PKD2L2: variants seen among roughly 807,000 people sequenced by gnomAD.
PKD2L2 encodes the protein polycystin-2-like protein 2.
Under a neutral mutation model 83.9 loss-of-function variants are expected in PKD2L2, and 67 were observed. That is an observed-to-expected ratio of 0.80 (90% CI 0.66 to 0.98). The LOEUF is 0.98. Ranked by LOEUF, PKD2L2 falls within the 50% of genes least tolerant of loss-of-function variation. The probability of loss-of-function intolerance (pLI) is 0.00; values close to 1 mark genes in which losing one functional copy is unlikely to be tolerated. For synonymous variants in PKD2L2, 223 were observed against 237.8 expected (o/e 0.94, Z 0.57); for missense variants, 632 against 717.2 (o/e 0.88, Z 1.36).
At chr5:137,925,852 C>T (rs2150050918) in intron 11 of PKD2L2, 23 bp from the exon 12 acceptor site, 1 of 1,542,810 alleles carries the variant, frequency 6.5e-7, no homozygotes, top group Non-Finnish European at 8.9e-7. Flanking sequence ...TTGCCTCTGA[C>T]TTTTATTTTA....
At chr5:137,935,292 G>C (rs912484834) in intron 12 of PKD2L2, among the ~76,000 whole-genome samples, 5 of 152,110 alleles carry the variant, frequency 3.3e-5, no homozygotes, top group African/African-American at 1.2e-4. Context: ...TGGTACAAAG[G>C]GCTTGTTTTT....
chr5:137,896,903 C>T (rs188475572), intron 4 of PKD2L2, among the ~76,000 whole-genome samples: 76 of 148,868 alleles, frequency 5.1e-4, no homozygotes, highest in Non-Finnish European at 8.0e-4. Context: ...CTGTCTTGAA[C>T]TCCCAGGATT....
chr5:137,930,314 T>A (rs976660102), intron 12 of PKD2L2, among the ~76,000 whole-genome samples: 1 of 151,836 alleles, frequency 6.6e-6, no homozygotes. Flanking sequence ...AGTAACAAAA[T>A]CAGAAAATGA....
rs1382848180 is a variant in PKD2L2, at chr5:137,936,446, A to G, written c.*17+19A>G. 4 of 1,521,982 alleles carry G rather than the reference A, an allele frequency of 2.6e-6. No individual in the cohort carries two copies. The Admixed American group carries it at 6.1e-5, about 23-fold the overall frequency. The allele number at this position is 1,521,982 out of a possible 1,614,324, so 94.3% of individuals were successfully genotyped here. A position where few individuals can be genotyped will look rare whatever the true frequency, so the allele number is the denominator to read the frequency against. On this transcript the variant is annotated intron_variant, in intron 14 of 14. Coordinates refer to ENST00000508883, the MANE Select transcript of PKD2L2 (RefSeq NM_001300921.2). ...AGTGGAGGTAAGAATCTGTGATGCA[A>G]TCATTGAGCATTTCTTTTTTTTTTT...
chr5:137,899,306 A>T (rs1756754196), intron 4 of PKD2L2, among the ~76,000 whole-genome samples: 1 of 152,068 alleles, frequency 6.6e-6, no homozygotes, highest in Admixed American at 6.5e-5. Flanking sequence ...TTGTAGAGAT[A>T]GGGTTTCACC....
At chr5:137,905,860 T>C (rs1420445160) in intron 5 of PKD2L2, among the ~76,000 whole-genome samples, 1 of 152,174 alleles carries the variant, frequency 6.6e-6, no homozygotes, top group African/African-American at 2.4e-5. Context: ...AGCATTTTCT[T>C]GAACATATCA....
At position 137,906,391 on chromosome 5, in the gene PKD2L2, A is replaced by G. The variant is rs747706031; in HGVS notation, c.932A>G (p.Tyr311Cys). ...VKKIKEFKSA[Y>C]FKSIWNWLEL... ...AAAATAAAAGAATTTAAGTCTGCCTATTTCAAAAGTATTTGGAACTGGCTA... is the reference window on the plus strand; with the variant it reads ...AAAATAAAAGAATTTAAGTCTGCCTGTTTCAAAAGTATTTGGAACTGGCTA... The change falls in exon 6 of 15, where the codon TAT becomes TGT. Residue 311 changes from tyrosine (Y) to cysteine (C), a missense_variant. Around this residue, in one of 3 missense-constraint regions of PKD2L2, gnomAD observed 399 missense variants for 416.9 expected, o/e 0.96. Coordinates refer to ENST00000508883, the MANE Select transcript of PKD2L2 (RefSeq NM_001300921.2). 10 of 1,609,984 alleles carry G rather than the reference A, an allele frequency of 6.2e-6. No homozygotes were observed. In the Admixed American group the frequency reaches 1.7e-4, roughly 27 times the overall value.
rs1757550484 is a variant in PKD2L2, at chr5:137,908,576, G to C, written c.1147-189G>C. On this transcript the variant is annotated intron_variant, in intron 7 of 14. Coordinates refer to ENST00000508883, the MANE Select transcript of PKD2L2 (RefSeq NM_001300921.2). ...ACAGCACTCCAGTCTGGGTGACAGA[G>C]TGAGACTCCATCTCAAAAAAAAAAA... is the stretch of plus-strand genomic sequence containing the variant. Among the ~76,000 whole-genome samples the C allele has an allele frequency of 2.0e-5, 3 of 151,812 alleles. No homozygotes were observed. In the South Asian group the frequency reaches 6.2e-4, roughly 32 times the overall value.
intron 8 of PKD2L2, among the ~76,000 whole-genome samples, chr5:137,911,152 A>T (rs1224754507): frequency 1.3e-5 from 2 of 152,092 alleles, no homozygotes; most frequent in East Asian, 3.8e-4. Flanking sequence ...CCTGTCAGCC[A>T]CCATTTTACT....
At chr5:137,932,679 A>C (rs954411801) in intron 12 of PKD2L2, among the ~76,000 whole-genome samples, 18 of 152,176 alleles carry the variant, frequency 1.2e-4, no homozygotes, top group African/African-American at 4.3e-4. Context: ...GCTGCTGCTG[A>C]TAAAGGTTAA....
intron 8 of PKD2L2, among the ~76,000 whole-genome samples, chr5:137,914,031 CTTTTTTTTTTTTTTTT>C (rs58118724): frequency 2.8e-4 from 12 of 42,342 alleles, no homozygotes; most frequent in Non-Finnish European, 4.6e-4. Flanking sequence ...CCACACTTGG[CTTTTTTTTTTTTTTTT>C]TTTTTTTTTT....
intron 12 of PKD2L2, among the ~76,000 whole-genome samples, chr5:137,929,878 C>A (rs1474786424): frequency 6.6e-6 from 1 of 151,956 alleles, no homozygotes; most frequent in Non-Finnish European, 1.5e-5. Flanking sequence ...ACCTAAAAGG[C>A]AAACAAAAGA....
chr5:137,898,724 A>AT lies in PKD2L2; in HGVS notation c.525-777dup, dbSNP rs555600685. On this transcript the variant is annotated intron_variant, in intron 4 of 14. Coordinates refer to ENST00000508883, the MANE Select transcript of PKD2L2 (RefSeq NM_001300921.2). Reference sequence around the variant, plus strand: ...ATATGCCACCACAGCTAACAGATGGATTTTTTTTTTTTTTTCTGAGACAGG... The same window carrying AT: ...ATATGCCACCACAGCTAACAGATGGATTTTTTTTTTTTTTTTCTGAGACAGG... Among the ~76,000 whole-genome samples the AT allele has an allele frequency of 4.2e-3, 603 of 142,736 alleles. 1 individual carries two copies. The highest frequency in any genetic ancestry group is 7.9e-3 in the African/African-American group (307 of 38,974). 93.6% of individuals were successfully genotyped at this position (142,736 alleles called of 152,430 possible).
intron 8 of PKD2L2, among the ~76,000 whole-genome samples, chr5:137,919,330 T>C (rs1758679731): frequency 6.6e-6 from 1 of 152,136 alleles, no homozygotes; most frequent in African/African-American, 2.4e-5. Context: ...AAAGAGACAC[T>C]GTATTTGGAG....
intron 4 of PKD2L2, among the ~76,000 whole-genome samples, chr5:137,897,864 GT>G (rs1481294787): frequency 1.3e-5 from 2 of 151,728 alleles, no homozygotes; most frequent in Non-Finnish European, 2.9e-5. Context: ...TTTCAAATCT[GT>G]TTTTGGGGAA....
rs756053151 is a variant in PKD2L2 at position 137,889,474 on chromosome 5, G to T, written c.-18G>T. ...GCGGCCTCAGGCGAACGAACGGGCG[G>T]TGTAGTGCAGGTCCGCCATGGCTGA... On this transcript the variant is annotated 5_prime_UTR_variant, in exon 1 of 15. Coordinates refer to ENST00000508883, the MANE Select transcript of PKD2L2 (RefSeq NM_001300921.2). The T allele has an allele frequency of 2.5e-6, 4 of 1,580,780 alleles. No homozygotes were observed. Among genetic ancestry groups the T allele is most frequent in the Non-Finnish European group, 3.4e-6 (4 of 1,166,786 alleles).
At chr5:137,940,065 C>T in intron 14 of PKD2L2, 1 of 1,614,014 alleles carries the variant, frequency 6.2e-7, no homozygotes, top group Non-Finnish European at 8.5e-7. Context: ...GGCCTACTTA[C>T]TCTCCCATCA....
chr5:137,933,674 C>T (rs1760070923), intron 12 of PKD2L2, among the ~76,000 whole-genome samples: 1 of 152,192 alleles, frequency 6.6e-6, no homozygotes, highest in Admixed American at 6.5e-5. Context: ...AGAATCTGAA[C>T]TCTCAGTGGT....
Position 137,899,936 on chromosome 5 carries a change from C to T in PKD2L2, c.746+199C>T, listed in dbSNP as rs138733552. ...AAAACTCCCAGACAAACCATGTAAC[C>T]TAGAAATACTGAAAAAAAATTAAGA... On this transcript the variant is annotated intron_variant, in intron 5 of 14. Transcript: ENST00000508883. Among the ~76,000 whole-genome samples the T allele has an allele frequency of 3.3e-5, 5 of 151,944 alleles. No individual in the cohort carries two copies. The East Asian group carries it at 7.7e-4, about 24-fold the overall frequency.
Sources: allele counts gnomAD v4.1 joint callset (sites outside exome capture counted in the v4.1 genomes callset), GRCh38; gene constraint gnomAD v4.1.1; regional missense constraint gnomAD v4.1.1; transcripts MANE v1.5; gene names NCBI Gene and HGNC (gene_info 2026-07-23, HGNC 2026-07-21).